The following CFAP96 variants were observed in gnomAD, a reference collection of about 807,000 sequenced individuals.
CFAP96 encodes cilia-and flagella-associated protein 96.
the CFAP96 span, among the ~76,000 whole-genome samples, chr4:185,446,574 C>G: frequency 6.6e-6 from 1 of 152,066 alleles, no homozygotes; most frequent in Non-Finnish European, 1.5e-5. Flanking sequence ...AAAAAAATTT[C>G]TGGGCATCTT....
At chr4:185,436,837 T>C in the CFAP96 span, among the ~76,000 whole-genome samples, 1 of 152,140 alleles carries the variant, frequency 6.6e-6, no homozygotes, top group African/African-American at 2.4e-5. Flanking sequence ...ATTTTACCCT[T>C]TTATTAGATT....
At chr4:185,408,891 A>T in the CFAP96 span, among the ~76,000 whole-genome samples, 13 of 150,950 alleles carry the variant, frequency 8.6e-5, no homozygotes, top group Non-Finnish European at 1.5e-4. Flanking sequence ...TCACTACCCC[A>T]CCCCCTGCCT....
chr4:185,427,551 G>T, the CFAP96 span, among the ~76,000 whole-genome samples: 1 of 151,882 alleles, frequency 6.6e-6, no homozygotes, highest in African/African-American at 2.4e-5. Flanking sequence ...CTTGAGGTCA[G>T]GAGTTTGAGA....
chr4:185,439,826 TATAC>T, the CFAP96 span, among the ~76,000 whole-genome samples: 149 of 148,194 alleles, frequency 1.0e-3, no homozygotes, highest in Middle Eastern at 3.8e-3. Flanking sequence ...CATATATGTA[TATAC>T]ATAATCTCAT....
the CFAP96 span, among the ~76,000 whole-genome samples, chr4:185,411,234 G>A: frequency 6.6e-6 from 1 of 151,282 alleles, no homozygotes; most frequent in Non-Finnish European, 1.5e-5. Context: ...AAATCAAAAA[G>A]TCCTAAAGCT....
the CFAP96 span, among the ~76,000 whole-genome samples, chr4:185,417,060 A>G: frequency 1.3e-5 from 2 of 152,206 alleles, no homozygotes; most frequent in Admixed American, 1.3e-4. Flanking sequence ...TACCTTTACC[A>G]TGGAGAAAAC....
chr4:185,420,830 C>T, the CFAP96 span, among the ~76,000 whole-genome samples: 1 of 152,166 alleles, frequency 6.6e-6, no homozygotes, highest in Non-Finnish European at 1.5e-5. Context: ...GGAATACAAT[C>T]AAGTCAGAAG....
At chr4:185,426,626 G>T in the CFAP96 span, among the ~76,000 whole-genome samples, 1 of 152,214 alleles carries the variant, frequency 6.6e-6, no homozygotes, top group Non-Finnish European at 1.5e-5. Context: ...CAGCATCTAT[G>T]CCTTCTTAAA....
the CFAP96 span, among the ~76,000 whole-genome samples, chr4:185,435,059 A>C: frequency 1.3e-5 from 2 of 152,212 alleles, no homozygotes; most frequent in East Asian, 3.8e-4. Flanking sequence ...GTAGGCATTT[A>C]ATACATTCTA....
At chr4:185,421,583 G>T in the CFAP96 span, among the ~76,000 whole-genome samples, 2 of 152,184 alleles carry the variant, frequency 1.3e-5, no homozygotes, top group African/African-American at 4.8e-5. Flanking sequence ...CTTCCACCAT[G>T]ATTGAAAGTT....
chr4:185,444,510 T>A, the CFAP96 span, among the ~76,000 whole-genome samples: 16 of 152,182 alleles, frequency 1.1e-4, no homozygotes, highest in African/African-American at 3.6e-4. Flanking sequence ...TCCTCTCAAC[T>A]TTCTATTTCT....
At chr4:185,448,633 TA>T in the CFAP96 span, among the ~76,000 whole-genome samples, 1 of 152,216 alleles carries the variant, frequency 6.6e-6, no homozygotes, top group East Asian at 1.9e-4. Context: ...GTAAAGTTGG[TA>T]AAGATATGGA....
the CFAP96 span, chr4:185,435,999 G>A: frequency 2.1e-6 from 3 of 1,400,616 alleles, no homozygotes; most frequent in Non-Finnish European, 2.9e-6. Context: ...CTTAAACTTT[G>A]CCATTTTAAC....
the CFAP96 span, among the ~76,000 whole-genome samples, chr4:185,413,435 T>C: frequency 1.3e-5 from 2 of 152,124 alleles, no homozygotes; most frequent in Non-Finnish European, 2.9e-5. Context: ...GGGTAGACTA[T>C]GCCCTTAATT....
At chr4:185,415,677 C>G in the CFAP96 span, 1 of 1,578,170 alleles carries the variant, frequency 6.3e-7, no homozygotes, top group Non-Finnish European at 8.6e-7. Flanking sequence ...GGCCCTCATT[C>G]AAATGTGGCA....
At chr4:185,413,893 CAGAAAA>C in the CFAP96 span, 1 of 1,559,768 alleles carries the variant, frequency 6.4e-7, no homozygotes, top group Non-Finnish European at 8.6e-7. Flanking sequence ...TCAGAATCAA[CAGAAAA>C]AGAAAAAATG....
At chr4:185,445,298 GAA>G in the CFAP96 span, 7 of 714,564 alleles carry the variant, frequency 9.8e-6, no homozygotes, top group South Asian at 2.1e-5. Flanking sequence ...CTCCCTTGTA[GAA>G]GTTCTCCCCC....
At chr4:185,426,338 A>G in the CFAP96 span, 1 of 157,050 alleles carries the variant, frequency 6.4e-6, no homozygotes, top group Non-Finnish European at 1.4e-5. Flanking sequence ...AAGCTGGGGC[A>G]ACCTGGACGA....
the CFAP96 span, among the ~76,000 whole-genome samples, chr4:185,433,358 C>T: frequency 2.1e-5 from 3 of 145,898 alleles, no homozygotes; most frequent in African/African-American, 7.7e-5. Context: ...GATCACACCA[C>T]TGCACTCCAG....
Sources: allele counts gnomAD v4.1 joint callset (sites outside exome capture counted in the v4.1 genomes callset), GRCh38; gene constraint gnomAD v4.1.1; transcripts MANE v1.5; gene names NCBI Gene and HGNC (gene_info 2026-07-23, HGNC 2026-07-21).